The following TANGO6 variants were observed in gnomAD, a reference collection of about 807,000 sequenced individuals.
TANGO6 encodes transport and golgi organization 6 homolog.
Under a neutral mutation model 114.2 loss-of-function variants are expected in TANGO6, and 90 were observed. The observed-to-expected ratio is 0.79, with a 90% CI of 0.66 to 0.94. The LOEUF is 0.94. Ranked by LOEUF, TANGO6 falls within the 40% of genes least tolerant of loss-of-function variation. TANGO6 has a pLI of 0.00. For missense variants in TANGO6, 1,274 were observed against 1,315.3 expected (o/e 0.97, Z 0.49); for synonymous variants, 477 against 509.8 (o/e 0.94, Z 0.87).
intron 15 of TANGO6, among the ~76,000 whole-genome samples, chr16:68,982,738 T>C (rs543830033): frequency 1.3e-5 from 2 of 149,466 alleles, no homozygotes; most frequent in South Asian, 4.3e-4. Flanking sequence ...TCCCAAAGTG[T>C]TGGGATTACA....
intron 12 of TANGO6, among the ~76,000 whole-genome samples, chr16:68,924,971 G>A (rs1963147701): frequency 6.6e-6 from 1 of 152,016 alleles, no homozygotes; most frequent in Non-Finnish European, 1.5e-5. Flanking sequence ...AGGGATCAAG[G>A]TGCTTCTGCC....
chr16:68,938,532 C>G (rs1393174217), intron 14 of TANGO6, among the ~76,000 whole-genome samples: 2 of 152,016 alleles, frequency 1.3e-5, no homozygotes, highest in African/African-American at 4.8e-5. Context: ...TCTCTCAACT[C>G]CATTTTAGTT....
chr16:68,892,901 T>G (rs1305701789), intron 7 of TANGO6, among the ~76,000 whole-genome samples: 1 of 152,194 alleles, frequency 6.6e-6, no homozygotes, highest in Non-Finnish European at 1.5e-5. Flanking sequence ...TACCTTAAGT[T>G]CTCTCCCTTC....
intron 15 of TANGO6, among the ~76,000 whole-genome samples, chr16:69,020,942 G>GTGGTGT (rs962235474): frequency 3.2e-5 from 4 of 126,652 alleles, no homozygotes; most frequent in African/African-American, 1.3e-4. Flanking sequence ...GTGTGTGTGT[G>GTGGTGT]GTGTGTGTGT....
intron 15 of TANGO6, among the ~76,000 whole-genome samples, chr16:69,014,263 A>C (rs192881275): frequency 2.0e-4 from 30 of 152,212 alleles, no homozygotes; most frequent in African/African-American, 7.2e-4. Flanking sequence ...TTAGTTCCTC[A>C]TGGTTTCAAG....
intron 16 of TANGO6, among the ~76,000 whole-genome samples, chr16:69,028,250 C>T (rs1025679930): frequency 3.3e-5 from 5 of 152,096 alleles, no homozygotes; most frequent in African/African-American, 1.2e-4. Context: ...CGTGAGCCAC[C>T]GCTCCCGGCC....
intron 16 of TANGO6, among the ~76,000 whole-genome samples, chr16:69,025,212 T>C (rs1959480632): frequency 6.6e-6 from 1 of 152,210 alleles, no homozygotes; most frequent in South Asian, 2.1e-4. Flanking sequence ...ATTCAGCAGT[T>C]CCCAAGCTCT....
intron 16 of TANGO6, among the ~76,000 whole-genome samples, chr16:69,024,536 G>C (rs1007432186): frequency 6.6e-6 from 1 of 152,206 alleles, no homozygotes; most frequent in South Asian, 2.1e-4. Context: ...CAAAGTGCTG[G>C]GATTACAGGC....
rs1963046839 is a variant in TANGO6 at position 68,918,715 on chromosome 16, A to G, written c.1993-370A>G. ...CAATGAGGATAATAGTACTGACCTC[A>G]TAGAGTTGATATGAGAACTAAATGA... On this transcript the variant is annotated intron_variant, in intron 11 of 17. Coordinates refer to ENST00000261778, the MANE Select transcript of TANGO6 (RefSeq NM_024562.2). Among the ~76,000 whole-genome samples the G allele has an allele frequency of 3.9e-5, 6 of 152,210 alleles. No individual in the cohort carries two copies. In the South Asian group the frequency reaches 1.2e-3, roughly 31 times the overall value.
chr16:68,850,707 C>T (rs1335126242), intron 1 of TANGO6, among the ~76,000 whole-genome samples: 2 of 152,182 alleles, frequency 1.3e-5, no homozygotes, highest in Non-Finnish European at 1.5e-5. Flanking sequence ...AACTCTGTCA[C>T]TGTATCTCAA....
At position 69,032,928 on chromosome 16, in the gene TANGO6, G is replaced by T. The variant is rs190366319; in HGVS notation, c.2995-7380G>T. On this transcript the variant is annotated intron_variant, in intron 16 of 17. Coordinates refer to ENST00000261778, the MANE Select transcript of TANGO6 (RefSeq NM_024562.2). Reference sequence around the variant, plus strand: ...TTGGCAGGCGTGGTGGCTCATGCCTGTAATCTCACCACTTTGGAAGGCCAA... The same window carrying T: ...TTGGCAGGCGTGGTGGCTCATGCCTTTAATCTCACCACTTTGGAAGGCCAA... 3.4e-3 allele frequency among the ~76,000 whole-genome samples: 503 copies of T among 147,770 alleles called. 3 individuals are homozygous for T. The highest frequency in any genetic ancestry group is 0.01 in the African/African-American group (410 of 39,876).
At chr16:68,941,952 T>G (rs1277049618) in intron 14 of TANGO6, among the ~76,000 whole-genome samples, 1 of 152,000 alleles carries the variant, frequency 6.6e-6, no homozygotes, top group African/African-American at 2.4e-5. Flanking sequence ...ACCCCCCATC[T>G]CTTAGGGGGA....
chr16:68,867,199 G>C lies in TANGO6; in HGVS notation c.973G>C (p.Gly325Arg). 1 of 1,613,746 alleles carries C rather than the reference G, an allele frequency of 6.2e-7. No homozygotes were observed. The highest frequency in any genetic ancestry group is 8.5e-7 in the Non-Finnish European group (1 of 1,179,838). Residue 325 changes from glycine (G) to arginine (R), a missense_variant, in exon 4 of 18, where the codon GGC becomes CGC. By Grantham distance (125) the Gly-to-Arg change is moderately radical. This residue lies in a region of TANGO6 where 908 missense variants were observed against 910.2 expected (regional missense o/e 1.00). Coordinates refer to ENST00000261778, the MANE Select transcript of TANGO6 (RefSeq NM_024562.2). ...TAATGGTGTTCAGGCAGTAGTCCGG[G>C]GCATTTTGGAAGGAGCAGGTGGTAA... ...RPNGVQAVVR[G>R]ILEGAGAGAA...
rs1267872206 is a variant in TANGO6 at position 68,867,222 on chromosome 16, TAAG to T, written c.994+5_994+7del. On this transcript the variant is annotated splice_donor_5th_base_variant and intron_variant, in intron 4 of 17. Transcript: ENST00000261778. ...GGGGCATTTTGGAAGGAGCAGGTGG[TAAG>T]AAATAAAATGTTGCTGTGACTTTGG... 6.2e-7 allele frequency: 1 copy of T among 1,613,504 alleles called. No individual in the cohort carries two copies. Among genetic ancestry groups the T allele is most frequent in the Non-Finnish European group, 8.5e-7 (1 of 1,179,810 alleles).
At position 69,083,429 on chromosome 16, in the gene TANGO6, G is replaced by A. The variant is rs182009874; in HGVS notation, c.3109-56G>A. ...GGCAGGAGGAGAGGGCAGTTCAGTC[G>A]TACTGAGAAATGCCGGCACAGTAGA... On this transcript the variant is annotated intron_variant, in intron 17 of 17. Coordinates refer to ENST00000261778, the MANE Select transcript of TANGO6 (RefSeq NM_024562.2). 1.1e-5 allele frequency: 17 copies of A among 1,546,534 alleles called. No homozygotes were observed. The Admixed American group carries it at 1.3e-4, about 12-fold the overall frequency.
chr16:69,004,517 G>A (rs892163764), intron 15 of TANGO6, among the ~76,000 whole-genome samples: 10 of 152,042 alleles, frequency 6.6e-5, no homozygotes, highest in South Asian at 4.2e-4. Context: ...CACCACGCCC[G>A]GCTAATTTTT....
Position 68,897,711 on chromosome 16 carries a change from T to A in TANGO6, c.1378-2723T>A, listed in dbSNP as rs1962724706. ...CTCCTGCCTCAGCTTCCCAAGTAGC[T>A]GGGATTACAGGCATGTGCCACCATG... On this transcript the variant is annotated intron_variant, in intron 7 of 17. Coordinates refer to ENST00000261778, the MANE Select transcript of TANGO6 (RefSeq NM_024562.2). Among the ~76,000 whole-genome samples, 3 of 151,962 alleles carry A rather than the reference T, an allele frequency of 2.0e-5. No individual in the cohort carries two copies. In the South Asian group the frequency reaches 6.2e-4, roughly 32 times the overall value.
At chr16:69,075,885 C>T (rs1482766251) in intron 17 of TANGO6, among the ~76,000 whole-genome samples, 1 of 151,038 alleles carries the variant, frequency 6.6e-6, no homozygotes, top group African/African-American at 2.4e-5. Flanking sequence ...CCGTTTCAGC[C>T]TCCCAAGTAG....
At chr16:68,858,712 G>T (rs190977896) in intron 1 of TANGO6, among the ~76,000 whole-genome samples, 1 of 151,764 alleles carries the variant, frequency 6.6e-6, no homozygotes, top group Non-Finnish European at 1.5e-5. Context: ...CAAACTCCTG[G>T]GCTCAAGCGA....
Sources: gnomAD v4.1 joint callset for allele counts (sites outside exome capture counted in the v4.1 genomes callset) on GRCh38, gnomAD v4.1.1 for gene constraint, gnomAD v4.1.1 regional missense constraint, MANE v1.5 for transcripts, NCBI Gene and HGNC (gene_info 2026-07-23, HGNC 2026-07-21) for gene names.